Variants in MRTFB observed in about 807,000 individuals in gnomAD.
MRTFB encodes the protein myocardin related transcription factor B.
MRTFB carries 29 observed loss-of-function variants against 104.2 expected under a neutral mutation model. The ratio of observed to expected loss-of-function variants is 0.28; its 90% CI spans 0.21 to 0.38. MRTFB has a LOEUF of 0.38. Among genes scored for constraint, MRTFB ranks in the 10% least tolerant of loss-of-function variants. The pLI is 1.00. For synonymous variants in MRTFB, 535 were observed against 519.5 expected, an observed-to-expected ratio of 1.03 and a Z score of -0.41; for missense variants, 1,270 against 1,341.6, an observed-to-expected ratio of 0.95 and a Z score of 0.83.
intron 3 of MRTFB, among the ~76,000 whole-genome samples, chr16:14,175,735 G>T (rs1174668769): frequency 6.6e-6 from 1 of 152,134 alleles, no homozygotes; most frequent in Non-Finnish European, 1.5e-5. Context: ...CAGATGAATG[G>T]ATAAACAAAA....
At chr16:14,205,946 C>T (rs1365920528) in intron 3 of MRTFB, among the ~76,000 whole-genome samples, 1 of 152,174 alleles carries the variant, frequency 6.6e-6, no homozygotes, top group Non-Finnish European at 1.5e-5. Flanking sequence ...AAAACAGTAC[C>T]AGGCCAGTGT....
chr16:14,247,192 C>A lies in MRTFB; in HGVS notation c.1932C>A (p.Leu644=). Residue 644 remains leucine (L), a synonymous_variant, in exon 12 of 17, where the codon CTC becomes CTA. Coordinates refer to ENST00000571589, the MANE Select transcript of MRTFB (RefSeq NM_001308142.2). ...CCTCCATCAAAGATGAGGCCTCACT[C>A]CCTGACTGCTCCAGCTCCAGGCAGC... The part of the protein sequence containing the change: ...LGSSIKDEAS[L]PDCSSSRQPI... 1 of 1,614,174 alleles carries A rather than the reference C, an allele frequency of 6.2e-7. No individual in the cohort carries two copies. The highest frequency in any genetic ancestry group is 8.5e-7 in the Non-Finnish European group (1 of 1,180,032).
intron 3 of MRTFB, among the ~76,000 whole-genome samples, chr16:14,204,299 C>T (rs915983081): frequency 6.6e-6 from 1 of 151,908 alleles, no homozygotes; most frequent in African/African-American, 2.4e-5. Flanking sequence ...ATATTGGAAA[C>T]GAATCTTAAA....
chr16:14,221,413 C>T (rs1167595114), intron 8 of MRTFB, among the ~76,000 whole-genome samples: 1 of 152,176 alleles, frequency 6.6e-6, no homozygotes, highest in Non-Finnish European at 1.5e-5. Flanking sequence ...AGGGATTTAT[C>T]TTAGTAACCT....
chr16:14,057,140 G>A, the MRTFB span, among the ~76,000 whole-genome samples: 5 of 152,040 alleles, frequency 3.3e-5, no homozygotes, highest in African/African-American at 1.2e-4. Context: ...ATACTTTATC[G>A]GCAGTGGGGG....
At chr16:14,107,024 T>C (rs1211015478) in intron 2 of MRTFB, among the ~76,000 whole-genome samples, 1 of 152,086 alleles carries the variant, frequency 6.6e-6, no homozygotes, top group Non-Finnish European at 1.5e-5. Context: ...AAACAGAACA[T>C]AGAAATGGCA....
At chr16:14,058,795 T>C in the MRTFB span, among the ~76,000 whole-genome samples, 2 of 140,096 alleles carry the variant, frequency 1.4e-5, no homozygotes, top group South Asian at 2.5e-4. Context: ...TTCAGCTCAC[T>C]GCAACCTCTG....
At chr16:14,122,582 G>T (rs2036907004) in intron 2 of MRTFB, among the ~76,000 whole-genome samples, 1 of 152,124 alleles carries the variant, frequency 6.6e-6, no homozygotes, top group South Asian at 2.1e-4. Context: ...ATGGTGTCCA[G>T]CTTCATCCAT....
chr16:14,003,643 TCCC>T, the MRTFB span, among the ~76,000 whole-genome samples: 1 of 29,314 alleles, frequency 3.4e-5, no homozygotes, highest in Non-Finnish European at 9.4e-5. Flanking sequence ...CCTGCCTGCC[TCCC>T]TCCCTCCCTC....
chr16:13,999,534 GCTTT>G, the MRTFB span, among the ~76,000 whole-genome samples: 1,346 of 150,884 alleles, frequency 8.9e-3, 22 homozygotes, highest in African/African-American at 0.031. Context: ...AAAAAAAAAA[GCTTT>G]CTCTCTTTTG....
chr16:14,017,713 T>TATATATATATA, the MRTFB span, among the ~76,000 whole-genome samples: 55 of 9,448 alleles, frequency 5.8e-3, 6 homozygotes, highest in South Asian at 0.025. Context: ...ATATATATAT[T>TATATATATATA]TTTTTTTTTT....
chr16:14,068,113 T>C (rs751361753), upstream of MRTFB, among the ~76,000 whole-genome samples: 4 of 152,210 alleles, frequency 2.6e-5, no homozygotes, highest in Non-Finnish European at 5.9e-5. Flanking sequence ...ATTACAGGCA[T>C]GAGCCACCAC....
intron 2 of MRTFB, among the ~76,000 whole-genome samples, chr16:14,088,150 T>C (rs1398207248): frequency 1.3e-5 from 2 of 152,202 alleles, no homozygotes; most frequent in Non-Finnish European, 2.9e-5. Flanking sequence ...CCGGTGACTG[T>C]TACTTATACT....
chr16:14,163,417 A>G (rs1432417801), intron 3 of MRTFB, among the ~76,000 whole-genome samples: 1 of 152,204 alleles, frequency 6.6e-6, no homozygotes, highest in Non-Finnish European at 1.5e-5. Context: ...GCATTGTCCT[A>G]TCAATTTATA....
In MRTFB at chr16:14,140,726, T is replaced by A; in HGVS notation, c.120T>A (p.Ser40Arg). The A allele has an allele frequency of 5.0e-6, 8 of 1,614,144 alleles. No individual in the cohort carries two copies. The highest frequency in any genetic ancestry group is 6.8e-6 in the Non-Finnish European group (8 of 1,180,024). ...TCCAGGAACTCTCCTTGCAGTCCAG[T>A]CAAAACTTACCCCCTCTGAACGAAA... The part of the protein sequence containing the change: ...HEFQELSLQS[S>R]QNLPPLNERK... Residue 40 changes from serine (S) to arginine (R), a missense_variant, in exon 3 of 17, where the codon AGT becomes AGA. Physicochemically the swap from Ser to Arg is moderately radical, Grantham distance 110 (BLOSUM62 -1). Around this residue, in one of 3 missense-constraint regions of MRTFB, gnomAD observed 62 missense variants for 57.2 expected, o/e 1.08. Coordinates refer to ENST00000571589, the MANE Select transcript of MRTFB (RefSeq NM_001308142.2).
the MRTFB span, among the ~76,000 whole-genome samples, chr16:14,064,824 A>G: frequency 3.3e-5 from 5 of 152,250 alleles, no homozygotes; most frequent in African/African-American, 1.2e-4. Flanking sequence ...ATATGTATCT[A>G]TTTTTGTACC....
At chr16:14,185,491 A>C (rs1239046295) in intron 3 of MRTFB, among the ~76,000 whole-genome samples, 1 of 152,212 alleles carries the variant, frequency 6.6e-6, no homozygotes, top group African/African-American at 2.4e-5. Flanking sequence ...TAGAGAACTT[A>C]TTTAGTTGCT....
At chr16:14,066,056 T>C in the MRTFB span, among the ~76,000 whole-genome samples, 1 of 152,208 alleles carries the variant, frequency 6.6e-6, no homozygotes, top group Non-Finnish European at 1.5e-5. Context: ...CATGAAAGCA[T>C]GGACTATACC....
At chr16:14,183,758 C>T (rs967955142) in intron 3 of MRTFB, among the ~76,000 whole-genome samples, 3 of 152,064 alleles carry the variant, frequency 2.0e-5, no homozygotes, top group Admixed American at 1.3e-4. Flanking sequence ...TTCTTTCAGG[C>T]ACATTCACCA....
Sources: gnomAD v4.1 joint callset for allele counts (sites outside exome capture counted in the v4.1 genomes callset) on GRCh38, gnomAD v4.1.1 for gene constraint, gnomAD v4.1.1 regional missense constraint, MANE v1.5 for transcripts, NCBI Gene and HGNC (gene_info 2026-07-23, HGNC 2026-07-21) for gene names.